THSD7A: variants seen among roughly 807,000 people sequenced by gnomAD.
The protein encoded by THSD7A is thrombospondin type-1 domain-containing protein 7A.
In THSD7A, 96 loss-of-function variants were observed where a neutral mutation model predicts 231.3. That is an observed-to-expected ratio of 0.41 (90% CI 0.35 to 0.49). The LOEUF is 0.49. Among genes scored for constraint, THSD7A ranks in the 20% least tolerant of loss-of-function variants. THSD7A has a pLI of 0.05. For synonymous variants in THSD7A, 940 were observed against 743.3 expected (o/e 1.26, Z -4.30); for missense variants, 2,290 against 2,070.2 (o/e 1.11, Z -2.06).
At chr7:11,509,664 CA>C (rs961337773) in intron 6 of THSD7A, among the ~76,000 whole-genome samples, 114 of 149,772 alleles carry the variant, frequency 7.6e-4, no homozygotes, top group Non-Finnish European at 9.8e-4. Context: ...ATTAAAAATA[CA>C]AAAAAAATTA....
At chr7:11,413,078 T>C (rs1783838683) in intron 17 of THSD7A, among the ~76,000 whole-genome samples, 1 of 151,664 alleles carries the variant, frequency 6.6e-6, no homozygotes, top group African/African-American at 2.4e-5. Context: ...TCATATTAAT[T>C]ATTATGCTAT....
In THSD7A at chr7:11,424,782, C is replaced by G. The variant is rs1459381684; in HGVS notation, c.3297G>C (p.Trp1099Cys). Reference protein sequence around the residue: ...PCHSDCNQYLWVTEPWSICKV... With the variant: ...PCHSDCNQYLCVTEPWSICKV... ...TGCAGATGCTCCAGGGCTCTGTGACCCATAGGTACTGGTTGCAGTCACTGT... is the reference window on the plus strand; with the variant it reads ...TGCAGATGCTCCAGGGCTCTGTGACGCATAGGTACTGGTTGCAGTCACTGT... The change falls in exon 16 of 28, where the codon TGG (tryptophan) becomes TGC (cysteine). Residue 1099 changes from tryptophan to cysteine, a missense_variant. By Grantham distance (215) the Trp-to-Cys change is radical. Coordinates refer to ENST00000423059, the MANE Select transcript of THSD7A (RefSeq NM_015204.3). 2.5e-6 allele frequency: 4 copies of G among 1,613,946 alleles called. No individual in the cohort carries two copies. The highest frequency in any genetic ancestry group is 3.4e-6 in the Non-Finnish European group (4 of 1,179,878).
chr7:11,753,436 C>T (rs776612844), intron 1 of THSD7A, among the ~76,000 whole-genome samples: 9 of 152,040 alleles, frequency 5.9e-5, no homozygotes, highest in Non-Finnish European at 1.0e-4. Flanking sequence ...CAGCCTCTCC[C>T]AGCACTCAGG....
chr7:11,575,137 A>T (rs12699244), intron 4 of THSD7A, among the ~76,000 whole-genome samples: 30,132 of 152,188 alleles, frequency 0.2, 3,138 homozygotes, highest in East Asian at 0.25. Flanking sequence ...CACATATAGT[A>T]ATCATCTATC....
At position 11,449,718 on chromosome 7, in the gene THSD7A, TGAA is replaced by T. The variant is rs1318260966; in HGVS notation, c.2606-2297_2606-2295del. On this transcript the variant is annotated intron_variant, in intron 11 of 27. Coordinates refer to ENST00000423059, the MANE Select transcript of THSD7A (RefSeq NM_015204.3). ...GGCTATAAACGAGCTGCTATGATTT[TGAA>T]GTTCTTTCTACACCTGCCATTTGGA... Among the ~76,000 whole-genome samples, 23 of 152,076 alleles carry T rather than the reference TGAA, an allele frequency of 1.5e-4. 1 individual carries two copies. Among genetic ancestry groups the T allele is most frequent in the Non-Finnish European group, 1.8e-4 (12 of 68,002 alleles).
At chr7:11,569,015 T>C (rs1035936049) in intron 4 of THSD7A, among the ~76,000 whole-genome samples, 1 of 150,146 alleles carries the variant, frequency 6.7e-6, no homozygotes, top group South Asian at 2.1e-4. Context: ...TACACTCCTA[T>C]CTCTCACCAC....
At position 11,405,505 on chromosome 7, in the gene THSD7A, C is replaced by G. The variant is rs539272751; in HGVS notation, c.4237+795G>C. ...CATTTTCAATCTGTTCATTTCCAGT[C>G]CACTAATAAATTGTTGCCCCTATCT... On this transcript the variant is annotated intron_variant, in intron 22 of 27. Transcript: ENST00000423059. Among the ~76,000 whole-genome samples, 244 of 152,216 alleles carry G rather than the reference C, an allele frequency of 1.6e-3. 1 individual carries two copies. The highest frequency in any genetic ancestry group is 0.01 in the Middle Eastern group (3 of 294).
At position 11,822,571 on chromosome 7, in the gene THSD7A, T is replaced by G. The variant is rs564566021; in HGVS notation, c.190+9186A>C. On this transcript the variant is annotated intron_variant, in intron 1 of 27. Transcript: ENST00000423059. ...TTCCTTTGGGTAGATACCCAGCAGT[T>G]GGATTGATGGATTGAATGGCAGTTC... Among the ~76,000 whole-genome samples, 32 of 152,208 alleles carry G rather than the reference T, an allele frequency of 2.1e-4. No individual in the cohort carries two copies. The South Asian group carries it at 2.5e-3, about 12-fold the overall frequency.
chr7:11,494,266 T>G (rs1787010959), intron 6 of THSD7A, among the ~76,000 whole-genome samples: 1 of 152,036 alleles, frequency 6.6e-6, no homozygotes, highest in Non-Finnish European at 1.5e-5. Flanking sequence ...CCTTTGTCAC[T>G]AAATACTTTG....
At chr7:11,498,123 T>C (rs1787180942) in intron 6 of THSD7A, among the ~76,000 whole-genome samples, 1 of 152,156 alleles carries the variant, frequency 6.6e-6, no homozygotes, top group South Asian at 2.1e-4. Flanking sequence ...CTTAGACTCC[T>C]GTACATACCC....
intron 2 of THSD7A, among the ~76,000 whole-genome samples, chr7:11,619,266 A>G (rs192559226): frequency 6.6e-6 from 1 of 152,264 alleles, no homozygotes; most frequent in East Asian, 1.9e-4. Context: ...GATGTGATTT[A>G]ACTATGATCT....
chr7:11,555,562 C>A (rs1789809918), intron 4 of THSD7A, among the ~76,000 whole-genome samples: 1 of 151,706 alleles, frequency 6.6e-6, no homozygotes, highest in African/African-American at 2.4e-5. Flanking sequence ...TTATAATAAT[C>A]CCTTTTAGAT....
chr7:11,552,923 C>T (rs1341090525), intron 4 of THSD7A, among the ~76,000 whole-genome samples: 1 of 151,502 alleles, frequency 6.6e-6, no homozygotes, highest in African/African-American at 2.4e-5. Flanking sequence ...ACTATAAAAT[C>T]CAGCACATCC....
chr7:11,633,688 G>T (rs1049500280), intron 2 of THSD7A, among the ~76,000 whole-genome samples: 1 of 152,114 alleles, frequency 6.6e-6, no homozygotes, highest in African/African-American at 2.4e-5. Context: ...TGTCAGAATA[G>T]AGTTTCATTT....
At chr7:11,706,693 C>G (rs1434809347) in intron 1 of THSD7A, among the ~76,000 whole-genome samples, 1 of 103,900 alleles carries the variant, frequency 9.6e-6, no homozygotes, top group African/African-American at 3.7e-5. Context: ...ACATTTGCTT[C>G]TTAAATCATG....
At chr7:11,781,035 A>AAAAT (rs1689161932) in intron 1 of THSD7A, among the ~76,000 whole-genome samples, 1 of 133,702 alleles carries the variant, frequency 7.5e-6, no homozygotes, top group Non-Finnish European at 1.6e-5. Context: ...AAAAAAAAAA[A>AAAAT]AAATTTATAG....
At chr7:11,663,068 T>A (rs1350958669) in intron 1 of THSD7A, among the ~76,000 whole-genome samples, 1 of 151,138 alleles carries the variant, frequency 6.6e-6, no homozygotes, top group Non-Finnish European at 1.5e-5. Context: ...GAGTAAAAAC[T>A]TAATTAATGA....
At chr7:11,505,788 G>A (rs1261397956) in intron 6 of THSD7A, among the ~76,000 whole-genome samples, 6 of 152,138 alleles carry the variant, frequency 3.9e-5, no homozygotes, top group Non-Finnish European at 8.8e-5. Context: ...CATGCCAAAC[G>A]ACTGCCATCT....
At chr7:11,417,809 A>G (rs1445261538) in intron 16 of THSD7A, among the ~76,000 whole-genome samples, 1 of 152,178 alleles carries the variant, frequency 6.6e-6, no homozygotes, top group African/African-American at 2.4e-5. Context: ...AAATATCTGT[A>G]GTGCTTCTGC....
Sources: allele counts gnomAD v4.1 joint callset (sites outside exome capture counted in the v4.1 genomes callset), GRCh38; gene constraint gnomAD v4.1.1; transcripts MANE v1.5; gene names NCBI Gene and HGNC (gene_info 2026-07-23, HGNC 2026-07-21).